ECT2L: variants seen among roughly 807,000 people sequenced by gnomAD.
The protein encoded by ECT2L is epithelial cell-transforming sequence 2 oncogene-like.
ECT2L carries 126 observed loss-of-function variants against 122.8 expected under a neutral mutation model. That is an observed-to-expected ratio of 1.03 (90% CI 0.89 to 1.19). The LOEUF is 1.19. Ranked by LOEUF, ECT2L falls within the 50% of genes most tolerant of loss-of-function variation. The pLI, the probability that ECT2L is intolerant of heterozygous loss-of-function variation, is 0.00. For missense variants in ECT2L, 1,012 were observed against 1,064.1 expected, an observed-to-expected ratio of 0.95 and a Z score of 0.68; for synonymous variants, 385 against 381.8, an observed-to-expected ratio of 1.01 and a Z score of -0.10.
chr6:138,871,918 G>C (rs1778270568), intron 13 of ECT2L, among the ~76,000 whole-genome samples: 1 of 151,944 alleles, frequency 6.6e-6, no homozygotes, highest in Non-Finnish European at 1.5e-5. Context: ...AAGTGCCCAA[G>C]TGGCTTATTC....
intron 8 of ECT2L, among the ~76,000 whole-genome samples, chr6:138,847,492 T>A (rs1010030829): frequency 2.1e-5 from 3 of 142,190 alleles, no homozygotes; most frequent in African/African-American, 7.7e-5. Context: ...TGCCTCAGCC[T>A]CCTGAGTAGC....
intron 11 of ECT2L, 111 bp downstream of exon 11, chr6:138,862,830 C>T: frequency 6.3e-6 from 5 of 787,762 alleles, no homozygotes; most frequent in Non-Finnish European, 1.0e-5. Context: ...CCATTACTCT[C>T]TTTCATTCCT....
At chr6:138,870,023 T>C (rs59934597) in intron 13 of ECT2L, among the ~76,000 whole-genome samples, 2,288 of 152,330 alleles carry the variant, frequency 0.015, 40 homozygotes, top group African/African-American at 0.048. Flanking sequence ...TGTACTGACT[T>C]GAATTGAGCA....
chr6:138,846,602 T>C lies in ECT2L; in HGVS notation c.828T>C (p.His276=), dbSNP rs761735068. The C allele has an allele frequency of 4.3e-5, 69 of 1,611,258 alleles. No individual in the cohort carries two copies. The highest frequency in any genetic ancestry group is 5.5e-5 in the Non-Finnish European group (65 of 1,179,288). The change falls in exon 8 of 22, where the codon CAT becomes CAC. Residue 276 remains histidine, a synonymous_variant. Coordinates refer to ENST00000541398, the MANE Select transcript of ECT2L (RefSeq NM_001077706.3). Reference sequence around the variant, plus strand: ...CAAAGAAAAATTGGCATGGAGTTCATAAAAATGATGACAGATCTTCATATG... The same window carrying C: ...CAAAGAAAAATTGGCATGGAGTTCACAAAAATGATGACAGATCTTCATATG... ...LLSKKNWHGV[H]KNDDRSSYAL...
intron 14 of ECT2L, among the ~76,000 whole-genome samples, chr6:138,876,772 G>A (rs1488061524): frequency 6.6e-6 from 1 of 152,014 alleles, no homozygotes; most frequent in African/African-American, 2.4e-5. Context: ...AAGGATAGCA[G>A]TGTAACATCT....
chr6:138,829,796 C>G (rs1351890054), intron 4 of ECT2L, among the ~76,000 whole-genome samples: 1 of 151,546 alleles, frequency 6.6e-6, no homozygotes, highest in Admixed American at 6.6e-5. Context: ...GATCTCAGTT[C>G]ACTGCAACCT....
chr6:138,863,026 C>T (rs1246009246), intron 11 of ECT2L, among the ~76,000 whole-genome samples: 2 of 152,098 alleles, frequency 1.3e-5, no homozygotes, highest in Admixed American at 1.3e-4. Context: ...CAAAGAAAAA[C>T]TTTTCTTAGT....
chr6:138,871,272 A>G (rs1297725216), intron 13 of ECT2L, among the ~76,000 whole-genome samples: 1 of 152,166 alleles, frequency 6.6e-6, no homozygotes, highest in African/African-American at 2.4e-5. Context: ...AAGGCGTAGG[A>G]TGGCAGTCCC....
chr6:138,849,569 G>T, intron 9 of ECT2L, 135 bp downstream of exon 9: 8 of 822,456 alleles, frequency 9.7e-6, no homozygotes, highest in Non-Finnish European at 1.2e-5. Context: ...TGAAAAAAGC[G>T]AAGCTTTTTT....
At chr6:138,798,869 C>G (rs1461171137) in intron 1 of ECT2L, among the ~76,000 whole-genome samples, 1 of 152,168 alleles carries the variant, frequency 6.6e-6, no homozygotes, top group African/African-American at 2.4e-5. Context: ...GAGTCTTGGC[C>G]AATCCCAGGA....
At chr6:138,838,096 T>A (rs138927186) in intron 4 of ECT2L, among the ~76,000 whole-genome samples, 2,880 of 152,188 alleles carry the variant, frequency 0.019, 37 homozygotes, top group Non-Finnish European at 0.028. Flanking sequence ...GAGACAGAGT[T>A]TTGCCATGTT....
intron 21 of ECT2L, among the ~76,000 whole-genome samples, chr6:138,901,466 C>T (rs1442511987): frequency 6.6e-6 from 1 of 152,146 alleles, no homozygotes; most frequent in African/African-American, 2.4e-5. Flanking sequence ...AGTCTTAAAG[C>T]ATATTTTAAA....
At chr6:138,859,596 C>T (rs1485085522) in intron 10 of ECT2L, among the ~76,000 whole-genome samples, 1 of 152,116 alleles carries the variant, frequency 6.6e-6, no homozygotes, top group Non-Finnish European at 1.5e-5. Flanking sequence ...GGTGGTATCT[C>T]ATTGCAGTTT....
In ECT2L at chr6:138,814,513, T is replaced by C. The variant is rs775770936; in HGVS notation, c.89T>C (p.Leu30Pro). 3 of 1,611,412 alleles carry C rather than the reference T, an allele frequency of 1.9e-6. No individual in the cohort carries two copies. Among genetic ancestry groups the C allele is most frequent in the African/African-American group, 1.3e-5 (1 of 75,002 alleles). ...NRQLFQERVA[L>P]ISHWFDLWTN... ...TAGCTCTTTCAGGAAAGAGTGGCTC[T>C]TATAAGTCATTGGTTTGACCTCTGG... The change falls in exon 4 of 22, where the codon CTT (leucine) becomes CCT (proline). Residue 30 changes from leucine to proline, a missense_variant. Physicochemically the swap from Leu to Pro is moderately conservative, Grantham distance 98. Coordinates refer to ENST00000541398, the MANE Select transcript of ECT2L (RefSeq NM_001077706.3).
intron 18 of ECT2L, among the ~76,000 whole-genome samples, chr6:138,886,392 GGT>G (rs1174959302): frequency 6.6e-6 from 1 of 151,974 alleles, no homozygotes; most frequent in East Asian, 1.9e-4. Context: ...TAAAACATTG[GGT>G]ACAGAAAATT....
chr6:138,893,180 T>TG (rs1261988503), intron 20 of ECT2L, among the ~76,000 whole-genome samples: 4 of 146,122 alleles, frequency 2.7e-5, no homozygotes, highest in African/African-American at 1.1e-4. Flanking sequence ...TTTTGTTTTT[T>TG]TTTTGTTTTT....
At position 138,882,721 on chromosome 6, in the gene ECT2L, C is replaced by G. The variant is rs1035526373; in HGVS notation, c.1881-3C>G. The G allele has an allele frequency of 3.7e-6, 6 of 1,613,558 alleles. No homozygotes were observed. The highest frequency in any genetic ancestry group is 5.1e-6 in the Non-Finnish European group (6 of 1,179,886). The stretch of plus-strand genomic sequence containing the variant: ...TCATGCTTATGCTCTTCTCATACCA[C>G]AGGCAGTTTCTAGATAACCTGAGAG... On this transcript the variant is annotated splice_polypyrimidine_tract_variant and splice_region_variant and intron_variant, in intron 15 of 21. Coordinates refer to ENST00000541398, the MANE Select transcript of ECT2L (RefSeq NM_001077706.3).
At chr6:138,824,421 G>A (rs1583559427) in intron 4 of ECT2L, among the ~76,000 whole-genome samples, 3 of 149,856 alleles carry the variant, frequency 2.0e-5, no homozygotes, top group East Asian at 1.9e-4. Context: ...ATACAAGAAC[G>A]ATTTCCCTGC....
intron 15 of ECT2L, 124 bp from the exon 16 acceptor site, chr6:138,882,600 G>A: frequency 8.6e-7 from 1 of 1,166,032 alleles, no homozygotes; most frequent in Non-Finnish European, 1.2e-6. Context: ...AGGAAGAAAT[G>A]ACTTGACCAA....
Sources: allele counts gnomAD v4.1 joint callset (sites outside exome capture counted in the v4.1 genomes callset), GRCh38; gene constraint gnomAD v4.1.1; transcripts MANE v1.5; gene names NCBI Gene and HGNC (gene_info 2026-07-23, HGNC 2026-07-21).